Variants in ARSG observed in about 807,000 individuals in gnomAD.
ARSG encodes ASG.
Under a neutral mutation model 50.5 loss-of-function variants are expected in ARSG, and 37 were observed. The ratio of observed to expected loss-of-function variants is 0.73; its 90% confidence interval spans 0.56 to 0.96. The LOEUF is 0.96. ARSG is among the 50% of genes least tolerant of loss of function. The pLI, the probability that ARSG is intolerant of heterozygous loss-of-function variation, is 0.00. For synonymous variants in ARSG, 225 were observed against 254.6 expected (o/e 0.88, Z 1.11); for missense variants, 629 against 675.3 (o/e 0.93, Z 0.76).
chr17:68,386,878 C>T (rs1382292814), intron 9 of ARSG, among the ~76,000 whole-genome samples: 1 of 152,040 alleles, frequency 6.6e-6, no homozygotes, highest in African/African-American at 2.4e-5. Flanking sequence ...TTAGAGGAGA[C>T]AACTGACTGA....
intron 6 of ARSG, among the ~76,000 whole-genome samples, chr17:68,362,675 G>A (rs1350895916): frequency 6.6e-6 from 1 of 152,138 alleles, no homozygotes; most frequent in East Asian, 1.9e-4. Flanking sequence ...TTAACCGGCT[G>A]AGCATCCCTA....
At chr17:68,424,372 T>C (rs995898999), downstream of ARSG, 4 of 518,174 alleles carry the variant, frequency 7.7e-6, no homozygotes, top group Admixed American at 4.1e-5. Context: ...AGCTTTGTTT[T>C]CTAAGCCAAA....
intron 6 of ARSG, among the ~76,000 whole-genome samples, chr17:68,365,977 G>A (rs555961320): frequency 2.6e-4 from 40 of 151,306 alleles, no homozygotes; most frequent in Non-Finnish European, 4.4e-4. Flanking sequence ...TCGCTCTGTC[G>A]CCCAGGCTGG....
chr17:68,396,015 G>GTT (rs200577774), intron 10 of ARSG, among the ~76,000 whole-genome samples: 121 of 144,606 alleles, frequency 8.4e-4, no homozygotes, highest in South Asian at 2.0e-3. Flanking sequence ...TTTTTTTTTT[G>GTT]TTTTTTTTTT....
chr17:68,335,553 C>CAA (rs397856679), intron 2 of ARSG, among the ~76,000 whole-genome samples: 3,651 of 89,768 alleles, frequency 0.041, 175 homozygotes, highest in African/African-American at 0.13. Context: ...GACTCCATCT[C>CAA]AAAAAAAAAA....
At chr17:68,306,076 C>T (rs1340730559) in intron 1 of ARSG, among the ~76,000 whole-genome samples, 3 of 151,566 alleles carry the variant, frequency 2.0e-5, no homozygotes, top group Non-Finnish European at 4.4e-5. Context: ...GATCTCAGCT[C>T]GCCGCAATCT....
intron 8 of ARSG, among the ~76,000 whole-genome samples, chr17:68,383,842 C>T (rs1467684394): frequency 6.6e-6 from 1 of 152,168 alleles, no homozygotes; most frequent in Non-Finnish European, 1.5e-5. Context: ...GCAGAGACTC[C>T]AGTTAGATTT....
chr17:68,355,789 C>T (rs1346693571), intron 5 of ARSG, among the ~76,000 whole-genome samples: 4 of 150,830 alleles, frequency 2.7e-5, no homozygotes, highest in African/African-American at 9.8e-5. Context: ...TAGTTTGACT[C>T]TTATTTTTTT....
At chr17:68,362,065 G>A (rs1307258996) in intron 6 of ARSG, among the ~76,000 whole-genome samples, 2 of 152,126 alleles carry the variant, frequency 1.3e-5, no homozygotes, top group Non-Finnish European at 2.9e-5. Flanking sequence ...CACAGGACAC[G>A]CATCTTTTGG....
At chr17:68,276,382 T>G (rs1427859283) in intron 1 of ARSG, among the ~76,000 whole-genome samples, 1 of 152,206 alleles carries the variant, frequency 6.6e-6, no homozygotes, top group African/African-American at 2.4e-5. Flanking sequence ...ACTTCAGAGA[T>G]AACAGTTCCA....
chr17:68,270,750 AG>A (rs1282577743), intron 1 of ARSG: 5 of 1,135,974 alleles, frequency 4.4e-6, no homozygotes, highest in Non-Finnish European at 6.2e-6. Context: ...ATAAAACGGC[AG>A]TAAGTTTTTT....
At chr17:68,380,973 G>A (rs969185030) in intron 8 of ARSG, among the ~76,000 whole-genome samples, 4 of 152,040 alleles carry the variant, frequency 2.6e-5, no homozygotes, top group African/African-American at 9.7e-5. Flanking sequence ...TCAAACCACT[G>A]ACATCAGAAT....
At chr17:68,376,263 A>C (rs1599949939) in intron 8 of ARSG, among the ~76,000 whole-genome samples, 1 of 136,548 alleles carries the variant, frequency 7.3e-6, no homozygotes, top group Admixed American at 7.6e-5. Flanking sequence ...GGAGTGTGCC[A>C]CTGCGCCCCC....
chr17:68,275,462 T>C (rs782450951), intron 1 of ARSG, among the ~76,000 whole-genome samples: 7 of 152,192 alleles, frequency 4.6e-5, no homozygotes, highest in Non-Finnish European at 1.0e-4. Context: ...GGATGTTGGC[T>C]CAAAGCATTA....
chr17:68,343,043 G>A (rs1276399904), intron 2 of ARSG, among the ~76,000 whole-genome samples: 1 of 152,238 alleles, frequency 6.6e-6, no homozygotes, highest in East Asian at 1.9e-4. Context: ...AAATAAGATT[G>A]AATTTGTTGG....
At position 68,420,404 on chromosome 17, in the gene ARSG, C is replaced by A. The variant is rs201796880; in HGVS notation, c.1519C>A (p.Pro507Thr). ...NISSADYTQD[P>T]SVTPCCNPYQ... The stretch of plus-strand genomic sequence containing the variant: ...CTCCAGCGCAGATTACACTCAGGAC[C>A]CTTCAGTAACTCCCTGCTGTAATCC... Residue 507 changes from proline (P) to threonine (T), a missense_variant, in exon 12 of 12, where the codon CCT becomes ACT. By Grantham distance (38) the Pro-to-Thr change is conservative. Coordinates refer to ENST00000621439, the MANE Select transcript of ARSG (RefSeq NM_001267727.2). 6.2e-7 allele frequency: 1 copy of A among 1,614,194 alleles called. No homozygotes were observed. The highest frequency in any genetic ancestry group is 8.5e-7 in the Non-Finnish European group (1 of 1,180,026).
chr17:68,260,685 G>GT (rs1410694366), intron 1 of ARSG, among the ~76,000 whole-genome samples: 2 of 151,872 alleles, frequency 1.3e-5, no homozygotes, highest in Non-Finnish European at 2.9e-5. Context: ...TAGAGATGGG[G>GT]TTTTTTCCAC....
chr17:68,376,861 T>C (rs2080175169), intron 8 of ARSG, among the ~76,000 whole-genome samples: 1 of 126,626 alleles, frequency 7.9e-6, no homozygotes, highest in South Asian at 2.5e-4. Context: ...ACCTCAGTCA[T>C]CTTTTTTTTT....
At chr17:68,308,119 C>T (rs968392078) in intron 2 of ARSG, among the ~76,000 whole-genome samples, 3 of 151,994 alleles carry the variant, frequency 2.0e-5, no homozygotes, top group Non-Finnish European at 4.4e-5. Flanking sequence ...GCTTGGGCAA[C>T]CTGGCAAGAT....
Sources: gnomAD v4.1 joint callset for allele counts (sites outside exome capture counted in the v4.1 genomes callset) on GRCh38, gnomAD v4.1.1 for gene constraint, MANE v1.5 for transcripts, NCBI Gene and HGNC (gene_info 2026-07-23, HGNC 2026-07-21) for gene names.